The following TUT4 variants were observed in gnomAD, a reference collection of about 807,000 sequenced individuals.
The protein encoded by TUT4 is terminal uridylyltransferase 4.
TUT4 carries 36 observed loss-of-function variants against 192.2 expected under a neutral mutation model. The observed-to-expected ratio is 0.19, with a 90% CI of 0.14 to 0.25. The LOEUF (loss-of-function observed/expected upper bound fraction) is 0.25, where lower values mean the gene tolerates loss of function less well. Ranked by LOEUF, TUT4 falls within the 10% of genes least tolerant of loss-of-function variation. The pLI is 1.00. For missense variants in TUT4, 1,493 were observed against 1,957.2 expected (o/e 0.76, Z 4.47); for synonymous variants, 618 against 666.0 (o/e 0.93, Z 1.11).
At chr1:52,451,999 A>C (rs1158331290) in intron 20 of TUT4, among the ~76,000 whole-genome samples, 1 of 152,030 alleles carries the variant, frequency 6.6e-6, no homozygotes, top group Non-Finnish European at 1.5e-5. Flanking sequence ...AATTCTACCA[A>C]ACATTTAAGG....
At chr1:52,483,720 G>T (rs1281016694) in intron 9 of TUT4, among the ~76,000 whole-genome samples, 2 of 152,104 alleles carry the variant, frequency 1.3e-5, no homozygotes, top group Non-Finnish European at 2.9e-5. Flanking sequence ...TGAGACAGGA[G>T]AATCACTTGA....
chr1:52,481,640 A>G lies in TUT4; in HGVS notation c.1636-5T>C. 6.3e-7 allele frequency: 1 copy of G among 1,588,182 alleles called. No homozygotes were observed. Among genetic ancestry groups the G allele is most frequent in the Non-Finnish European group, 8.5e-7 (1 of 1,171,150 alleles). ...TTTTGGGTCAAAGCCTTCAATCTATATAAAAAGGCATTCCAAATTGGTAGT... is the reference window on the plus strand; with the variant it reads ...TTTTGGGTCAAAGCCTTCAATCTATGTAAAAAGGCATTCCAAATTGGTAGT... On this transcript the variant is annotated splice_region_variant and splice_polypyrimidine_tract_variant and intron_variant, in intron 10 of 29. Transcript: ENST00000257177.
chr1:52,509,564 ATAAAT>A, intron 4 of TUT4, 27 bp downstream of exon 4: 2 of 1,171,262 alleles, frequency 1.7e-6, no homozygotes, highest in Non-Finnish European at 2.4e-6. Flanking sequence ...AACTTGAAAA[ATAAAT>A]AAAAGTATTT....
At chr1:52,468,990 A>C (rs532063964) in intron 14 of TUT4, among the ~76,000 whole-genome samples, 69 of 152,332 alleles carry the variant, frequency 4.5e-4, no homozygotes, top group African/African-American at 1.5e-3. Flanking sequence ...ACTAATATTC[A>C]GCTTTTTAAA....
chr1:52,425,568 C>A lies in TUT4; in HGVS notation c.4712-61G>T, dbSNP rs1649597751. On this transcript the variant is annotated intron_variant, in intron 28 of 29. Coordinates refer to ENST00000257177, the MANE Select transcript of TUT4 (RefSeq NM_001009881.3). ...ACATTAGTTCATTCATTGAAATATC[C>A]CTTCATTCCACAAAGATATATTCAG... 8.0e-6 allele frequency: 12 copies of A among 1,508,984 alleles called. No homozygotes were observed. In the South Asian group the frequency reaches 1.3e-4, roughly 16 times the overall value. 93.5% of individuals were successfully genotyped at this position (1,508,984 alleles called of 1,614,324 possible).
intron 1 of TUT4, among the ~76,000 whole-genome samples, chr1:52,528,770 C>T (rs1338098928): frequency 6.6e-6 from 1 of 152,028 alleles, no homozygotes; most frequent in East Asian, 1.9e-4. Flanking sequence ...ATAAAGAGTT[C>T]ACTCTTTAAT....
In TUT4 at chr1:52,525,640, T is replaced by C. The variant is rs1373293047; in HGVS notation, c.641A>G (p.Lys214Arg). Reference protein sequence around the residue: ...CALQNSPRSQKQQTCTDNTGD... With the variant: ...CALQNSPRSQRQQTCTDNTGD... ...AGTATTATCTGTACATGTCTGTTGC[T>C]TCTGAGATCGTGGTGAGTTTTGCAG... Residue 214 changes from lysine (K) to arginine (R), a missense_variant, in exon 2 of 30, where the codon AAG becomes AGG. Coordinates refer to ENST00000257177, the MANE Select transcript of TUT4 (RefSeq NM_001009881.3). The C allele has an allele frequency of 6.2e-7, 1 of 1,614,226 alleles. No individual in the cohort carries two copies. Among genetic ancestry groups the C allele is most frequent in the Non-Finnish European group, 8.5e-7 (1 of 1,180,036 alleles).
intron 20 of TUT4, among the ~76,000 whole-genome samples, chr1:52,456,076 T>C (rs1242637534): frequency 6.6e-6 from 1 of 152,138 alleles, no homozygotes; most frequent in Admixed American, 6.6e-5. Context: ...TAAACTGTGG[T>C]ACATCCCAAC....
chr1:52,495,916 C>T (rs1672334579), intron 5 of TUT4, among the ~76,000 whole-genome samples: 1 of 152,086 alleles, frequency 6.6e-6, no homozygotes, highest in Non-Finnish European at 1.5e-5. Flanking sequence ...GGATCATAAA[C>T]ATTCAATGCC....
chr1:52,424,111 G>C, intron 29 of TUT4, 109 bp from the exon 30 acceptor site: 2 of 1,124,196 alleles, frequency 1.8e-6, no homozygotes, highest in East Asian at 5.2e-5. Flanking sequence ...TATATAATAG[G>C]AGGTGATAAA....
At chr1:52,541,270 C>A (rs541935922) in intron 1 of TUT4, among the ~76,000 whole-genome samples, 4 of 150,412 alleles carry the variant, frequency 2.7e-5, no homozygotes, top group Admixed American at 1.3e-4. Context: ...CGGGGGCTCA[C>A]GCCTGTAATC....
chr1:52,468,323 G>A, intron 14 of TUT4, 56 bp from the exon 15 acceptor site: 5 of 1,345,408 alleles, frequency 3.7e-6, no homozygotes, highest in Non-Finnish European at 5.1e-6. Flanking sequence ...AACAGAATCT[G>A]AAAACATCTT....
At chr1:52,533,595 T>C (rs1684069501) in intron 1 of TUT4, among the ~76,000 whole-genome samples, 1 of 152,158 alleles carries the variant, frequency 6.6e-6, no homozygotes, top group African/African-American at 2.4e-5. Context: ...CGCTCTCTCA[T>C]GCTGACTCTT....
chr1:52,513,417 A>G (rs1677827918), intron 3 of TUT4, among the ~76,000 whole-genome samples: 1 of 142,822 alleles, frequency 7.0e-6, no homozygotes, highest in Non-Finnish European at 1.5e-5. Context: ...AAAAAAAAGT[A>G]CAATGAATTG....
intron 7 of TUT4, among the ~76,000 whole-genome samples, chr1:52,492,081 C>A (rs1293617022): frequency 6.6e-6 from 1 of 152,112 alleles, no homozygotes; most frequent in African/African-American, 2.4e-5. Context: ...TAGGATGATA[C>A]TACCTAGGAA....
In TUT4 at chr1:52,469,375, C is replaced by T. The variant is rs537381658; in HGVS notation, c.2879-1108G>A. On this transcript the variant is annotated intron_variant, in intron 14 of 29. Coordinates refer to ENST00000257177, the MANE Select transcript of TUT4 (RefSeq NM_001009881.3). ...AAGGGCAAAAGAAACCATACATAAG[C>T]ACGGTACTCTAGTTAATAAAGTTGT... is the stretch of plus-strand genomic sequence containing the variant. Among the ~76,000 whole-genome samples, 4 of 152,132 alleles carry T rather than the reference C, an allele frequency of 2.6e-5. No homozygotes were observed. In the South Asian group the frequency reaches 8.3e-4, roughly 32 times the overall value.
intron 4 of TUT4, among the ~76,000 whole-genome samples, chr1:52,497,667 T>C (rs565628410): frequency 6.6e-6 from 1 of 152,354 alleles, no homozygotes; most frequent in Admixed American, 6.5e-5. Flanking sequence ...TCAAAAAACC[T>C]CTATTCTGCT....
chr1:52,425,560 G>A, intron 28 of TUT4, 53 bp from the exon 29 acceptor site: 2 of 1,528,140 alleles, frequency 1.3e-6, no homozygotes, highest in Non-Finnish European at 1.8e-6. Flanking sequence ...TTCATTCATT[G>A]AAATATCCCT....
At chr1:52,506,457 T>C (rs114793400) in intron 4 of TUT4, among the ~76,000 whole-genome samples, 4,234 of 152,328 alleles carry the variant, frequency 0.028, 78 homozygotes, top group South Asian at 0.064. Context: ...AGTACATGTA[T>C]ATTGATCAAT....
Sources: allele counts gnomAD v4.1 joint callset (sites outside exome capture counted in the v4.1 genomes callset), GRCh38; gene constraint gnomAD v4.1.1; transcripts MANE v1.5; gene names NCBI Gene and HGNC (gene_info 2026-07-23, HGNC 2026-07-21).